ARIH2: variants seen among roughly 807,000 people sequenced by gnomAD.
The protein encoded by ARIH2 is ariadne RBR E3 ubiquitin protein ligase 2.
ARIH2 carries 12 observed loss-of-function variants against 79.8 expected under a neutral mutation model. The ratio of observed to expected loss-of-function variants is 0.15; its 90% CI spans 0.10 to 0.24. The LOEUF (loss-of-function observed/expected upper bound fraction) is 0.24. Ranked by LOEUF, ARIH2 falls within the 10% of genes least tolerant of loss-of-function variation. The probability of loss-of-function intolerance (pLI) is 1.00; values close to 1 mark genes in which losing one functional copy is unlikely to be tolerated. For synonymous variants in ARIH2, 224 were observed against 213.9 expected, an observed-to-expected ratio of 1.05 and a Z score of -0.41; for missense variants, 301 against 618.3, an observed-to-expected ratio of 0.49 and a Z score of 5.44.
chr3:48,925,100 G>C (rs1295034524), intron 2 of ARIH2: 1 of 150,774 alleles, frequency 6.6e-6, no homozygotes, highest in Non-Finnish European at 1.5e-5. Flanking sequence ...AAAGTGCCGG[G>C]ATTTTTTTTC....
chr3:48,930,060 T>C (rs988488309), intron 3 of ARIH2, among the ~76,000 whole-genome samples: 1 of 152,248 alleles, frequency 6.6e-6, no homozygotes, highest in Non-Finnish European at 1.5e-5. Flanking sequence ...ATTTTTTCCC[T>C]TCTGCACTTC....
At chr3:48,958,860 A>G (rs2090918183) in intron 3 of ARIH2, among the ~76,000 whole-genome samples, 1 of 151,670 alleles carries the variant, frequency 6.6e-6, no homozygotes, top group African/African-American at 2.4e-5. Flanking sequence ...ACAAAATATA[A>G]AAAAATTAGC....
chr3:48,968,646 C>T lies in ARIH2; in HGVS notation c.651C>T (p.Asp217=). Residue 217 remains aspartate, a synonymous_variant, in exon 7 of 16, where the codon GAC becomes GAT. Transcript: ENST00000356401. The stretch of plus-strand genomic sequence containing the variant: ...AATACAGGCGCTACCTCTTCAGGGA[C>T]TATGTGGAGGTATGGCCAGCCTTTG... The part of the protein sequence containing the change: ...REKYRRYLFR[D]YVESHYQLQL... 1 of 1,608,932 alleles carries T rather than the reference C, an allele frequency of 6.2e-7. No individual in the cohort carries two copies. The highest frequency in any genetic ancestry group is 1.1e-5 in the South Asian group (1 of 91,022).
At chr3:48,956,887 A>C (rs934715470) in intron 3 of ARIH2, among the ~76,000 whole-genome samples, 5 of 151,714 alleles carry the variant, frequency 3.3e-5, no homozygotes, top group Admixed American at 2.0e-4. Context: ...TTGTATTTTT[A>C]TTAGAGACGG....
At chr3:48,971,359 C>T (rs964824765) in intron 8 of ARIH2, among the ~76,000 whole-genome samples, 34 of 152,236 alleles carry the variant, frequency 2.2e-4, no homozygotes, top group African/African-American at 4.8e-5. Context: ...ATTCTCCTGC[C>T]TCAGCCTCCT....
At chr3:48,961,517 G>A (rs1411432371) in intron 3 of ARIH2, 95 bp from the exon 4 acceptor site, 2 of 710,806 alleles carry the variant, frequency 2.8e-6, no homozygotes, top group Admixed American at 2.2e-5. Context: ...CCTGGGCTTG[G>A]CATAATAGAC....
At chr3:48,965,171 G>A (rs1281106629) in intron 5 of ARIH2, among the ~76,000 whole-genome samples, 189 bp downstream of exon 5, 2 of 149,404 alleles carry the variant, frequency 1.3e-5, no homozygotes, top group African/African-American at 4.9e-5. Flanking sequence ...TGGCTAACAC[G>A]GTGAAACCCT....
chr3:48,959,415 CTCTT>C (rs2090999320), intron 3 of ARIH2, among the ~76,000 whole-genome samples: 1 of 151,540 alleles, frequency 6.6e-6, no homozygotes, highest in Non-Finnish European at 1.5e-5. Flanking sequence ...TGTCTTGTCT[CTCTT>C]TTCATTTTGT....
Position 48,962,950 on chromosome 3 carries a change from C to A in ARIH2, c.323+1271C>A, listed in dbSNP as rs957670978. 7.2e-5 allele frequency among the ~76,000 whole-genome samples: 11 copies of A among 152,070 alleles called. 1 individual carries two copies. The highest frequency in any genetic ancestry group is 2.4e-5 in the African/African-American group (1 of 41,380). Reference sequence around the variant, plus strand: ...GTGGCACAACCTTGGCTCACTGCAACCTCCATCTCCAGGGTTCAAGCAACT... The same window carrying A: ...GTGGCACAACCTTGGCTCACTGCAAACTCCATCTCCAGGGTTCAAGCAACT... On this transcript the variant is annotated intron_variant, in intron 4 of 15. Transcript: ENST00000356401.
chr3:48,944,992 C>T (rs2088914574), intron 3 of ARIH2: 1 of 561,304 alleles, frequency 1.8e-6, no homozygotes, highest in Admixed American at 2.6e-5. Context: ...TGAGTGACCA[C>T]TAGTGTTTGT....
Position 48,970,341 on chromosome 3 carries a change from G to A in ARIH2, c.661-254G>A, listed in dbSNP as rs547423669. Among the ~76,000 whole-genome samples the A allele has an allele frequency of 1.2e-4, 18 of 152,332 alleles. 1 individual carries two copies. In the South Asian group the frequency reaches 3.7e-3, roughly 32 times the overall value. Reference sequence around the variant, plus strand: ...TGAGTAGCTAGGACTATAGGCAGGAGCCACTATGCCTGGTGCAATTCTATA... The same window carrying A: ...TGAGTAGCTAGGACTATAGGCAGGAACCACTATGCCTGGTGCAATTCTATA... On this transcript the variant is annotated intron_variant, in intron 7 of 15. Coordinates refer to ENST00000356401, the MANE Select transcript of ARIH2 (RefSeq NM_006321.4).
chr3:48,956,501 G>C (rs1347121232), intron 3 of ARIH2, among the ~76,000 whole-genome samples: 1 of 127,976 alleles, frequency 7.8e-6, no homozygotes, highest in Non-Finnish European at 1.6e-5. Context: ...TGTGTTGCCA[G>C]GCTGGCTGTG....
At chr3:48,948,540 G>A (rs1253716515) in intron 3 of ARIH2, among the ~76,000 whole-genome samples, 2 of 151,454 alleles carry the variant, frequency 1.3e-5, no homozygotes, top group Admixed American at 6.6e-5. Flanking sequence ...CGCCCACCTC[G>A]GCCTCCCAGG....
At chr3:48,961,736 A>G in intron 4 of ARIH2, 57 bp downstream of exon 4, 1 of 1,152,618 alleles carries the variant, frequency 8.7e-7, no homozygotes, top group South Asian at 1.2e-5. Context: ...CTCCGTGGTG[A>G]TTATTGTTTA....
At chr3:48,940,439 C>T (rs991581335) in intron 3 of ARIH2, among the ~76,000 whole-genome samples, 8 of 152,068 alleles carry the variant, frequency 5.3e-5, no homozygotes, top group African/African-American at 1.7e-4. Flanking sequence ...GTGGCTCACT[C>T]CTGTAATCCC....
At chr3:48,982,290 A>T (rs192388902) in intron 14 of ARIH2, among the ~76,000 whole-genome samples, 2 of 152,228 alleles carry the variant, frequency 1.3e-5, no homozygotes, top group Non-Finnish European at 2.9e-5. Flanking sequence ...TTTTATTGTT[A>T]TAACAGTTTA....
chr3:48,931,642 C>T (rs1324358890), intron 3 of ARIH2, among the ~76,000 whole-genome samples: 5 of 152,088 alleles, frequency 3.3e-5, no homozygotes, highest in Non-Finnish European at 7.4e-5. Context: ...GTTGCCCAGG[C>T]TGATCTCAAA....
At chr3:48,947,257 A>G (rs1011952698) in intron 3 of ARIH2, among the ~76,000 whole-genome samples, 4 of 152,148 alleles carry the variant, frequency 2.6e-5, no homozygotes, top group African/African-American at 7.2e-5. Context: ...CCTGACCAAA[A>G]TGGAGATAAC....
intron 3 of ARIH2, among the ~76,000 whole-genome samples, chr3:48,932,178 G>A (rs1210888969): frequency 6.6e-6 from 1 of 152,178 alleles, no homozygotes; most frequent in South Asian, 2.1e-4. Context: ...TCAAGATAGA[G>A]AACAGAGAAA....
Sources: gnomAD v4.1 joint callset for allele counts (sites outside exome capture counted in the v4.1 genomes callset) on GRCh38, gnomAD v4.1.1 for gene constraint, MANE v1.5 for transcripts, NCBI Gene and HGNC (gene_info 2026-07-23, HGNC 2026-07-21) for gene names.